The following KSR2 variants were observed in gnomAD, a reference collection of about 807,000 sequenced individuals.
KSR2 encodes kinase suppressor of ras 2.
KSR2 carries 25 observed loss-of-function variants against 107.8 expected under a neutral mutation model. That is an observed-to-expected ratio of 0.23 (90% CI 0.17 to 0.32). KSR2 has a LOEUF of 0.32. KSR2 is among the 10% of genes least tolerant of loss of function. The pLI is 1.00. For synonymous variants in KSR2, 480 were observed against 507.0 expected, an observed-to-expected ratio of 0.95 and a Z score of 0.71; for missense variants, 887 against 1,268.9, an observed-to-expected ratio of 0.70 and a Z score of 4.57.
rs1260185078 is a variant in KSR2 at position 117,934,714 on chromosome 12, G to A, written c.180+33362C>T. ...CATTTTCTATCAGTCAACAGGCAAG[G>A]TCAAAAACATCTGGAAATCCTGTTC... On this transcript the variant is annotated intron_variant, in intron 1 of 19. Coordinates refer to ENST00000339824, the MANE Select transcript of KSR2 (RefSeq NM_173598.6). Among the ~76,000 whole-genome samples, 3 of 152,304 alleles carry A rather than the reference G, an allele frequency of 2.0e-5. No homozygotes were observed. The East Asian group carries it at 5.8e-4, about 29-fold the overall frequency.
chr12:117,644,038 G>A (rs969521335), intron 5 of KSR2, among the ~76,000 whole-genome samples: 5 of 152,106 alleles, frequency 3.3e-5, no homozygotes, highest in African/African-American at 4.8e-5. Context: ...TCTGTCTGTC[G>A]TCCATCCCAG....
At chr12:117,700,259 A>C (rs1271169005) in intron 4 of KSR2, among the ~76,000 whole-genome samples, 2 of 152,134 alleles carry the variant, frequency 1.3e-5, no homozygotes, top group African/African-American at 4.8e-5. Context: ...GGGGACACAG[A>C]ATGTTTGGGA....
At chr12:117,810,448 C>T (rs1192021044) in intron 3 of KSR2, among the ~76,000 whole-genome samples, 1 of 152,210 alleles carries the variant, frequency 6.6e-6, no homozygotes, top group Non-Finnish European at 1.5e-5. Context: ...GTAACTAGGA[C>T]TTACAGGCAG....
intron 1 of KSR2, among the ~76,000 whole-genome samples, chr12:117,931,469 G>A (rs1022623827): frequency 3.9e-5 from 6 of 152,162 alleles, no homozygotes; most frequent in African/African-American, 9.7e-5. Context: ...AAGAGGTCGT[G>A]CCCGCCTGGA....
At chr12:117,895,009 T>A (rs1196209026) in intron 1 of KSR2, among the ~76,000 whole-genome samples, 1 of 151,708 alleles carries the variant, frequency 6.6e-6, no homozygotes, top group African/African-American at 2.4e-5. Flanking sequence ...CCAAGAGGAT[T>A]GCTTGAGTCC....
intron 4 of KSR2, among the ~76,000 whole-genome samples, chr12:117,748,018 AT>A (rs1888473660): frequency 6.6e-6 from 1 of 152,246 alleles, no homozygotes; most frequent in Non-Finnish European, 1.5e-5. Flanking sequence ...TTATTGCAGC[AT>A]TATTCACAAT....
At chr12:117,688,175 T>C (rs563784797) in intron 4 of KSR2, among the ~76,000 whole-genome samples, 2 of 151,942 alleles carry the variant, frequency 1.3e-5, no homozygotes, top group East Asian at 3.9e-4. Flanking sequence ...AGGTCAGGAG[T>C]TCGATACCAG....
At chr12:117,937,876 A>G (rs1895893197) in intron 1 of KSR2, among the ~76,000 whole-genome samples, 1 of 149,310 alleles carries the variant, frequency 6.7e-6, no homozygotes, top group East Asian at 2.0e-4. Flanking sequence ...AGGCTGAGGC[A>G]GGAGAATCTC....
intron 4 of KSR2, among the ~76,000 whole-genome samples, chr12:117,706,172 T>C (rs941125703): frequency 3.3e-5 from 5 of 151,126 alleles, no homozygotes; most frequent in Admixed American, 6.6e-5. Context: ...GCCTCCCAAG[T>C]AGCTGGGATT....
chr12:117,704,849 A>T (rs1439410817), intron 4 of KSR2, among the ~76,000 whole-genome samples: 1 of 146,714 alleles, frequency 6.8e-6, no homozygotes, highest in Non-Finnish European at 1.5e-5. Flanking sequence ...ACAGAGTGAG[A>T]CTTCATCTCA....
chr12:117,850,528 T>A, intron 3 of KSR2, among the ~76,000 whole-genome samples: 1 of 152,176 alleles, frequency 6.6e-6, no homozygotes, highest in Non-Finnish European at 1.5e-5. Context: ...AACCCTGGGA[T>A]GTTTTCCAAT....
At chr12:117,563,660 A>T (rs1395379496) in intron 7 of KSR2, among the ~76,000 whole-genome samples, 1 of 152,216 alleles carries the variant, frequency 6.6e-6, no homozygotes, top group Non-Finnish European at 1.5e-5. Flanking sequence ...AGCTTTCTAC[A>T]GCAAGCCCCT....
rs754526051 is a variant in KSR2 at position 117,860,251 on chromosome 12, G to T, written c.321+40C>A. 5 of 1,587,478 alleles carry T rather than the reference G, an allele frequency of 3.1e-6. No homozygotes were observed. In the South Asian group the frequency reaches 5.6e-5, roughly 18 times the overall value. On this transcript the variant is annotated intron_variant, in intron 2 of 19. Coordinates refer to ENST00000339824, the MANE Select transcript of KSR2 (RefSeq NM_173598.6). ...AGAGCAACACAGGGGGTAGCTGCTG[G>T]CCAGTAAGGGGCAGGGGACACAGGG...
intron 5 of KSR2, among the ~76,000 whole-genome samples, chr12:117,638,745 G>A (rs950283990): frequency 6.6e-5 from 10 of 152,126 alleles, no homozygotes; most frequent in Non-Finnish European, 1.0e-4. Flanking sequence ...TGTGATATTC[G>A]ATTTCTCAAG....
At chr12:117,858,220 G>C (rs1893164400) in intron 2 of KSR2, among the ~76,000 whole-genome samples, 1 of 152,086 alleles carries the variant, frequency 6.6e-6, no homozygotes, top group Non-Finnish European at 1.5e-5. Context: ...TTCAACCCCT[G>C]GTCTAGAATC....
chr12:117,530,110 CA>C (rs1875509119), intron 12 of KSR2, among the ~76,000 whole-genome samples: 1 of 152,134 alleles, frequency 6.6e-6, no homozygotes, highest in South Asian at 2.1e-4. Flanking sequence ...ATAAAGATAA[CA>C]AAGCAGGATG....
At chr12:117,906,366 A>C (rs568988450) in intron 1 of KSR2, among the ~76,000 whole-genome samples, 33 of 149,940 alleles carry the variant, frequency 2.2e-4, no homozygotes, top group African/African-American at 7.4e-4. Flanking sequence ...AAAAAAAAAA[A>C]AAAAAAAAAA....
At chr12:117,799,958 C>T (rs565556131) in intron 3 of KSR2, among the ~76,000 whole-genome samples, 2 of 152,332 alleles carry the variant, frequency 1.3e-5, no homozygotes, top group Non-Finnish European at 2.9e-5. Context: ...GCTCTTAGCC[C>T]TATGAAACGA....
Position 117,582,284 on chromosome 12 carries a change from G to C in KSR2, c.1241+6C>G. On this transcript the variant is annotated splice_donor_region_variant and intron_variant, in intron 6 of 19. Transcript: ENST00000339824. ...AGGCACCAGTGCACACAGGAATCCA[G>C]CCTACCTGTGCTTGATGGAGTTGCC... is the stretch of plus-strand genomic sequence containing the variant. 1 of 1,613,186 alleles carries C rather than the reference G, an allele frequency of 6.2e-7. No homozygotes were observed. Among genetic ancestry groups the C allele is most frequent in the Non-Finnish European group, 8.5e-7 (1 of 1,179,256 alleles).
Sources: gnomAD v4.1 joint callset for allele counts (sites outside exome capture counted in the v4.1 genomes callset) on GRCh38, gnomAD v4.1.1 for gene constraint, MANE v1.5 for transcripts, NCBI Gene and HGNC (gene_info 2026-07-23, HGNC 2026-07-21) for gene names.